The following TMEM178B variants were observed in gnomAD, a reference collection of about 807,000 sequenced individuals.
TMEM178B encodes the protein transmembrane protein 178B.
In TMEM178B, 5 loss-of-function variants were observed where a neutral mutation model predicts 31.0. The ratio of observed to expected loss-of-function variants is 0.16; its 90% confidence interval spans 0.08 to 0.34. The LOEUF (loss-of-function observed/expected upper bound fraction) is 0.34, where lower values mean the gene tolerates loss of function less well. Ranked by LOEUF, TMEM178B falls within the 10% of genes least tolerant of loss-of-function variation. TMEM178B has a pLI of 1.00. For missense variants in TMEM178B, 275 were observed against 400.3 expected (o/e 0.69, Z 2.67); for synonymous variants, 164 against 164.0 (o/e 1.00, Z 0.00).
chr7:141,079,580 T>A (rs1172977862), intron 1 of TMEM178B, among the ~76,000 whole-genome samples: 1 of 152,206 alleles, frequency 6.6e-6, no homozygotes, highest in Non-Finnish European at 1.5e-5. Flanking sequence ...GCAGAAGGCT[T>A]TAGTTCATGG....
At chr7:141,436,235 T>G (rs1426409882) in intron 2 of TMEM178B, among the ~76,000 whole-genome samples, 1 of 152,186 alleles carries the variant, frequency 6.6e-6, no homozygotes, top group East Asian at 1.9e-4. Context: ...CTCTGAGGTA[T>G]TCTCCAAAGA....
intron 2 of TMEM178B, among the ~76,000 whole-genome samples, chr7:141,261,574 A>T (rs1442945917): frequency 6.6e-6 from 1 of 152,188 alleles, no homozygotes; most frequent in East Asian, 1.9e-4. Context: ...GCAGCAGTTC[A>T]GGAAGTCTAA....
At chr7:141,368,234 G>T (rs528467392) in intron 2 of TMEM178B, among the ~76,000 whole-genome samples, 54 of 152,306 alleles carry the variant, frequency 3.5e-4, no homozygotes, top group African/African-American at 1.2e-3. Context: ...TGGGAGAATT[G>T]CTTGAACCTG....
intron 1 of TMEM178B, among the ~76,000 whole-genome samples, chr7:141,114,977 G>A (rs1795294558): frequency 6.6e-6 from 1 of 152,150 alleles, no homozygotes; most frequent in African/African-American, 2.4e-5. Flanking sequence ...GAAGGGCAGT[G>A]TACATGGAGC....
chr7:141,090,008 T>C (rs1415966181), intron 1 of TMEM178B, among the ~76,000 whole-genome samples: 7 of 146,804 alleles, frequency 4.8e-5, no homozygotes, highest in African/African-American at 1.8e-4. Context: ...TAAAGTATAA[T>C]AAAAAAAAAA....
chr7:141,368,932 G>A (rs1800059042), intron 2 of TMEM178B, among the ~76,000 whole-genome samples: 1 of 152,202 alleles, frequency 6.6e-6, no homozygotes, highest in African/African-American at 2.4e-5. Flanking sequence ...CAAGGAAGGG[G>A]TTGTTAGTGA....
chr7:141,347,967 T>A (rs1459823758), intron 2 of TMEM178B, among the ~76,000 whole-genome samples: 2 of 152,178 alleles, frequency 1.3e-5, no homozygotes, highest in African/African-American at 4.8e-5. Context: ...TTTCAAAACT[T>A]AATTTCCAAA....
chr7:141,493,688 TG>T, the TMEM178B span, among the ~76,000 whole-genome samples: 1 of 152,234 alleles, frequency 6.6e-6, no homozygotes, highest in Non-Finnish European at 1.5e-5. Context: ...GGAAAAGAGA[TG>T]GGCAATGGTC....
chr7:141,103,149 C>A (rs566044761), intron 1 of TMEM178B, among the ~76,000 whole-genome samples: 2 of 152,078 alleles, frequency 1.3e-5, no homozygotes, highest in Non-Finnish European at 2.9e-5. Context: ...CTTTCAAGTG[C>A]GGAAAGGAAA....
chr7:141,138,817 C>T (rs1369566513), intron 1 of TMEM178B, among the ~76,000 whole-genome samples: 4 of 151,662 alleles, frequency 2.6e-5, no homozygotes, highest in Admixed American at 1.3e-4. Context: ...CCTGTCTCTA[C>T]TAAAAAAATA....
chr7:141,330,076 T>C (rs1408684931), intron 2 of TMEM178B, among the ~76,000 whole-genome samples: 9 of 149,326 alleles, frequency 6.0e-5, no homozygotes. Flanking sequence ...TAGGATCCTA[T>C]TGAAGGGCTT....
rs1284778444 is a variant in TMEM178B, at chr7:141,212,635, G to C, written c.427G>C (p.Ala143Pro). ...CTYIKYHYSS[A>P]TIPRNLTFNI... ...GTACATCAAATACCACTACTCCTCA[G>C]CAACCATCCCCAGGAACCTCACTTT... Residue 143 changes from alanine (A) to proline (P), a missense_variant, in exon 2 of 4, where the codon GCA (alanine) becomes CCA (proline). By Grantham distance (27) the Ala-to-Pro change is conservative (BLOSUM62 -1). Transcript: ENST00000565468. The C allele has an allele frequency of 6.5e-7, 1 of 1,536,094 alleles. No homozygotes were observed. Among genetic ancestry groups the C allele is most frequent in the Admixed American group, 2.0e-5 (1 of 50,990 alleles).
At chr7:141,436,125 A>G (rs1210941020) in intron 2 of TMEM178B, among the ~76,000 whole-genome samples, 1 of 152,026 alleles carries the variant, frequency 6.6e-6, no homozygotes, top group African/African-American at 2.4e-5. Flanking sequence ...ACTGCACCAT[A>G]TGTCTTTTTG....
chr7:141,199,503 C>T (rs892771392), intron 1 of TMEM178B, among the ~76,000 whole-genome samples: 1 of 152,190 alleles, frequency 6.6e-6, no homozygotes, highest in African/African-American at 2.4e-5. Context: ...GGTGGTCCCC[C>T]AGTGGGGAGG....
Position 141,472,981 on chromosome 7 carries a change from A to G in TMEM178B, c.*2195A>G, listed in dbSNP as rs1802274358. 1 of 152,236 alleles carries G rather than the reference A, an allele frequency of 6.6e-6. No homozygotes were observed. The highest frequency in any genetic ancestry group is 1.5e-5 in the Non-Finnish European group (1 of 68,070). 9.4% of individuals were successfully genotyped at this position (152,236 alleles called of 1,614,324 possible). ...CCGGGGACTCTGGTCAGCTTCTGCAAAAGGTCTCATGTGTGAGTTCCCTGT... is the reference window on the plus strand; with the variant it reads ...CCGGGGACTCTGGTCAGCTTCTGCAGAAGGTCTCATGTGTGAGTTCCCTGT... On this transcript the variant is annotated 3_prime_UTR_variant, in exon 4 of 4. Transcript: ENST00000565468.
At chr7:141,251,237 T>C (rs1175840998) in intron 2 of TMEM178B, among the ~76,000 whole-genome samples, 1 of 150,358 alleles carries the variant, frequency 6.7e-6, no homozygotes, top group Non-Finnish European at 1.5e-5. Flanking sequence ...ATACTGGAGG[T>C]AAACAAACAA....
chr7:141,105,225 A>G (rs1795123149), intron 1 of TMEM178B, among the ~76,000 whole-genome samples: 1 of 152,114 alleles, frequency 6.6e-6, no homozygotes, highest in African/African-American at 2.4e-5. Flanking sequence ...AAGAGGGAAC[A>G]TTGGCTGCTG....
At chr7:141,502,730 A>G in the TMEM178B span, among the ~76,000 whole-genome samples, 1 of 151,776 alleles carries the variant, frequency 6.6e-6, no homozygotes, top group Admixed American at 6.6e-5. Context: ...AGAGCGTGCC[A>G]TTGCACTCCA....
intron 2 of TMEM178B, among the ~76,000 whole-genome samples, chr7:141,259,552 A>G (rs1797981725): frequency 6.6e-6 from 1 of 152,144 alleles, no homozygotes; most frequent in African/African-American, 2.4e-5. Context: ...ATATATTGTA[A>G]GAACTCTAGG....
Sources: allele counts gnomAD v4.1 joint callset (sites outside exome capture counted in the v4.1 genomes callset), GRCh38; gene constraint gnomAD v4.1.1; transcripts MANE v1.5; gene names NCBI Gene and HGNC (gene_info 2026-07-23, HGNC 2026-07-21).